The following CMTM8 variants were observed in gnomAD, a reference collection of about 807,000 sequenced individuals.
The protein encoded by CMTM8 is CKLF like MARVEL transmembrane domain containing 8, also known as CKLF-like MARVEL transmembrane domain-containing protein 8.
CMTM8 carries 12 observed loss-of-function variants against 18.6 expected under a neutral mutation model. That is an observed-to-expected ratio of 0.65 (90% CI 0.41 to 1.05). The LOEUF is 1.05. CMTM8 is among the 50% of genes least tolerant of loss of function. The pLI is 0.00. For missense variants in CMTM8, 217 were observed against 227.2 expected, an observed-to-expected ratio of 0.95 and a Z score of 0.29; for synonymous variants, 87 against 90.6, an observed-to-expected ratio of 0.96 and a Z score of 0.23.
intron 1 of CMTM8, among the ~76,000 whole-genome samples, chr3:32,267,083 A>T (rs1702358479): frequency 6.6e-6 from 1 of 152,202 alleles, no homozygotes; most frequent in Non-Finnish European, 1.5e-5. Flanking sequence ...CTTTCTTCAC[A>T]GAATTGGAAA....
intron 1 of CMTM8, among the ~76,000 whole-genome samples, chr3:32,254,785 A>T (rs1345243316): frequency 6.6e-6 from 1 of 152,202 alleles, no homozygotes; most frequent in Non-Finnish European, 1.5e-5. Flanking sequence ...TTCAAAGTAT[A>T]CAACTAAGTG....
intron 1 of CMTM8, among the ~76,000 whole-genome samples, chr3:32,305,140 G>A (rs1695694693): frequency 6.6e-6 from 1 of 151,642 alleles, no homozygotes; most frequent in African/African-American, 2.4e-5. Flanking sequence ...CCATCTTCGA[G>A]TTGTGGCTTT....
At chr3:32,290,566 G>A (rs534833014) in intron 1 of CMTM8, among the ~76,000 whole-genome samples, 4 of 152,360 alleles carry the variant, frequency 2.6e-5, no homozygotes, top group Admixed American at 1.3e-4. Flanking sequence ...CTGGAACATG[G>A]AGTTTAGACC....
chr3:32,269,338 C>G (rs147266596), intron 1 of CMTM8, among the ~76,000 whole-genome samples: 163 of 152,284 alleles, frequency 1.1e-3, no homozygotes, highest in African/African-American at 3.8e-3. Context: ...ATTCTACTAG[C>G]TTATACTTTG....
chr3:32,276,986 G>A (rs1258987917), intron 1 of CMTM8, among the ~76,000 whole-genome samples: 1 of 151,972 alleles, frequency 6.6e-6, no homozygotes, highest in Non-Finnish European at 1.5e-5. Context: ...CTTGGCTCAA[G>A]GAATCCTCTT....
At chr3:32,304,828 A>T (rs1370094836) in intron 1 of CMTM8, among the ~76,000 whole-genome samples, 1 of 152,268 alleles carries the variant, frequency 6.6e-6, no homozygotes, top group Non-Finnish European at 1.5e-5. Flanking sequence ...AACAGAAATC[A>T]GCAGCCTATG....
At chr3:32,295,509 T>C (rs1273186865) in intron 1 of CMTM8, among the ~76,000 whole-genome samples, 1 of 138,130 alleles carries the variant, frequency 7.2e-6, no homozygotes, top group East Asian at 2.0e-4. Context: ...AGAAAATCCC[T>C]GTCTTTGTGG....
At chr3:32,339,899 C>T (rs556704232) in intron 1 of CMTM8, among the ~76,000 whole-genome samples, 2 of 152,212 alleles carry the variant, frequency 1.3e-5, no homozygotes, top group East Asian at 3.9e-4. Context: ...GGAGGCAGAG[C>T]TTGCAGTCAG....
At chr3:32,291,570 A>G (rs1002917500) in intron 1 of CMTM8, among the ~76,000 whole-genome samples, 7 of 152,358 alleles carry the variant, frequency 4.6e-5, no homozygotes, top group African/African-American at 1.4e-4. Context: ...TAAGTAACTT[A>G]TCCAAAGCTA....
intron 1 of CMTM8, among the ~76,000 whole-genome samples, chr3:32,244,228 C>T (rs1375251272): frequency 6.6e-6 from 1 of 152,204 alleles, no homozygotes; most frequent in Non-Finnish European, 1.5e-5. Context: ...CACTGTGTCA[C>T]CCAGGCTGGA....
chr3:32,287,385 T>A (rs1702705775), intron 1 of CMTM8, among the ~76,000 whole-genome samples: 1 of 152,214 alleles, frequency 6.6e-6, no homozygotes. Context: ...CCTCAGATAT[T>A]TTGCTCCTAA....
intron 1 of CMTM8, among the ~76,000 whole-genome samples, chr3:32,292,489 TA>T (rs1403442783): frequency 1.3e-5 from 2 of 152,350 alleles, no homozygotes; most frequent in African/African-American, 4.8e-5. Context: ...GTAATCCATC[TA>T]CATGGTTCAA....
chr3:32,259,529 C>T, intron 1 of CMTM8: 1 of 788,834 alleles, frequency 1.3e-6, no homozygotes, highest in Non-Finnish European at 2.3e-6. Flanking sequence ...CACTCGGCTG[C>T]AGCTGGAGAC....
intron 1 of CMTM8, 99 bp from the exon 2 acceptor site, chr3:32,357,274 C>T: frequency 2.2e-6 from 2 of 929,784 alleles, no homozygotes; most frequent in Non-Finnish European, 3.3e-6. Flanking sequence ...TTGTAATTGA[C>T]ATTCTGTATA....
At position 32,290,175 on chromosome 3, in the gene CMTM8, A is replaced by G. The variant is rs187413857; in HGVS notation, c.147+51056A>G. 4.1e-3 allele frequency among the ~76,000 whole-genome samples: 623 copies of G among 152,332 alleles called. 2 individuals carry two copies. Among genetic ancestry groups the G allele is most frequent in the Middle Eastern group, 6.8e-3 (2 of 294 alleles). On this transcript the variant is annotated intron_variant, in intron 1 of 3. Coordinates refer to ENST00000307526, the MANE Select transcript of CMTM8 (RefSeq NM_178868.5). ...ATTCATAATCATATTATCTACGACA[A>G]AAATCCAAGAGAATTTACAAAATAG...
chr3:32,269,474 T>A (rs1004001326), intron 1 of CMTM8, among the ~76,000 whole-genome samples: 3 of 152,230 alleles, frequency 2.0e-5, no homozygotes, highest in African/African-American at 7.2e-5. Flanking sequence ...ATTTTTAAAC[T>A]TCCTTTTATG....
chr3:32,340,462 C>T (rs1449363285), intron 1 of CMTM8, among the ~76,000 whole-genome samples: 5 of 152,134 alleles, frequency 3.3e-5, no homozygotes, highest in Admixed American at 2.0e-4. Context: ...TATACTCTTC[C>T]GTTGTATAAT....
At chr3:32,346,517 G>T (rs1038142242) in intron 1 of CMTM8, among the ~76,000 whole-genome samples, 1 of 152,164 alleles carries the variant, frequency 6.6e-6, no homozygotes, top group Non-Finnish European at 1.5e-5. Flanking sequence ...TCTGGTGAGG[G>T]CTCTCTCCTT....
At chr3:32,260,081 C>G (rs1022080409) in intron 1 of CMTM8, 9 of 1,067,352 alleles carry the variant, frequency 8.4e-6, no homozygotes, top group Non-Finnish European at 1.3e-5. Context: ...CAGCTACCAT[C>G]GCCTGTTGGA....
Sources: allele counts gnomAD v4.1 joint callset (sites outside exome capture counted in the v4.1 genomes callset), GRCh38; gene constraint gnomAD v4.1.1; transcripts MANE v1.5; gene names NCBI Gene and HGNC (gene_info 2026-07-23, HGNC 2026-07-21).